Variants in FSTL4 observed in about 807,000 individuals in gnomAD.
The protein encoded by FSTL4 is follistatin like 4, also known as follistatin-related protein 4.
A neutral mutation model predicts 78.2 loss-of-function variants in FSTL4; 28 were observed. That is an observed-to-expected ratio of 0.36 (90% CI 0.27 to 0.49). The LOEUF is 0.49. Among genes scored for constraint, FSTL4 ranks in the 20% least tolerant of loss-of-function variants. FSTL4 has a pLI of 0.98. For missense variants in FSTL4, 922 were observed against 1,084.9 expected, an observed-to-expected ratio of 0.85 and a Z score of 2.11; for synonymous variants, 422 against 440.5, an observed-to-expected ratio of 0.96 and a Z score of 0.53.
intron 2 of FSTL4, among the ~76,000 whole-genome samples, chr5:133,603,597 A>G (rs1760914468): frequency 6.6e-6 from 1 of 152,230 alleles, no homozygotes; most frequent in Non-Finnish European, 1.5e-5. Flanking sequence ...CTTTGTAGAG[A>G]CTAACCAGGC....
intron 10 of FSTL4, among the ~76,000 whole-genome samples, 174 bp downstream of exon 10, chr5:133,224,976 G>A (rs372785559): frequency 2.6e-4 from 40 of 152,328 alleles, no homozygotes; most frequent in African/African-American, 9.1e-4. Flanking sequence ...GGGAAGGCCT[G>A]CTCACCTCTG....
the FSTL4 span, among the ~76,000 whole-genome samples, chr5:133,688,849 C>T: frequency 1.3e-5 from 2 of 152,174 alleles, no homozygotes; most frequent in African/African-American, 4.8e-5. Flanking sequence ...ACCACGGGGC[C>T]AGGGATGTCA....
the FSTL4 span, among the ~76,000 whole-genome samples, chr5:133,737,451 G>A: frequency 1.3e-5 from 2 of 151,982 alleles, no homozygotes; most frequent in African/African-American, 4.8e-5. Flanking sequence ...TCATTTTTAC[G>A]GCTGAATAGT....
At chr5:133,365,864 C>T (rs1331917236) in intron 4 of FSTL4, among the ~76,000 whole-genome samples, 1 of 152,230 alleles carries the variant, frequency 6.6e-6, no homozygotes, top group Non-Finnish European at 1.5e-5. Context: ...TATTAACATT[C>T]ACCATCTGCG....
chr5:133,562,758 A>G (rs570882619), intron 3 of FSTL4, among the ~76,000 whole-genome samples: 2 of 152,320 alleles, frequency 1.3e-5, no homozygotes, highest in Admixed American at 1.3e-4. Context: ...AATAGCTTAC[A>G]GATCGTCCTA....
upstream of FSTL4, among the ~76,000 whole-genome samples, chr5:133,613,656 C>T (rs1185177360): frequency 2.0e-5 from 3 of 152,218 alleles, no homozygotes; most frequent in East Asian, 1.9e-4. Flanking sequence ...AATGGGCCAG[C>T]GCGGTCTTGG....
the FSTL4 span, among the ~76,000 whole-genome samples, chr5:133,778,391 A>C: frequency 6.6e-6 from 1 of 152,248 alleles, no homozygotes; most frequent in Non-Finnish European, 1.5e-5. Context: ...CAAGTGTTTT[A>C]ATATTCCAGA....
chr5:133,312,849 C>G (rs777422110), intron 5 of FSTL4, 72 bp from the exon 6 acceptor site: 8 of 1,525,336 alleles, frequency 5.2e-6, no homozygotes, highest in Non-Finnish European at 7.2e-6. Context: ...GAAAATGACT[C>G]AGGCCAAGAG....
intron 1 of FSTL4, among the ~76,000 whole-genome samples, chr5:133,605,225 T>G (rs932889429): frequency 6.6e-6 from 1 of 152,134 alleles, no homozygotes; most frequent in Admixed American, 6.5e-5. Flanking sequence ...ACTTTAGGGG[T>G]TATTGATTTC....
chr5:133,815,215 G>A, the FSTL4 span, among the ~76,000 whole-genome samples: 1 of 152,226 alleles, frequency 6.6e-6, no homozygotes, highest in Non-Finnish European at 1.5e-5. Flanking sequence ...GTGAGCTCCT[G>A]TAGCTGGAAG....
intron 3 of FSTL4, among the ~76,000 whole-genome samples, chr5:133,535,451 A>G (rs548862233): frequency 2.0e-5 from 3 of 152,368 alleles, no homozygotes; most frequent in South Asian, 2.1e-4. Flanking sequence ...AGCCTGAGCC[A>G]TCTGTGTCTT....
At chr5:133,389,567 G>T (rs1755789691) in intron 4 of FSTL4, among the ~76,000 whole-genome samples, 1 of 152,098 alleles carries the variant, frequency 6.6e-6, no homozygotes. Context: ...TTTGTCTAGG[G>T]TATTTCTTCT....
chr5:133,719,685 A>G, the FSTL4 span, among the ~76,000 whole-genome samples: 1 of 151,728 alleles, frequency 6.6e-6, no homozygotes, highest in Non-Finnish European at 1.5e-5. Context: ...AAAAAAAAAA[A>G]AAAAAAAAAG....
intron 6 of FSTL4, among the ~76,000 whole-genome samples, chr5:133,279,786 C>A (rs543954420): frequency 6.6e-6 from 1 of 152,324 alleles, no homozygotes; most frequent in Admixed American, 6.5e-5. Flanking sequence ...CAGAATGTGA[C>A]CTGATTGGAA....
At chr5:133,618,437 C>T in the FSTL4 span, among the ~76,000 whole-genome samples, 3 of 152,144 alleles carry the variant, frequency 2.0e-5, no homozygotes, top group Admixed American at 2.0e-4. Context: ...TCTCTGGCTG[C>T]TGTATGAAGA....
At chr5:133,803,728 C>T in the FSTL4 span, among the ~76,000 whole-genome samples, 8 of 152,334 alleles carry the variant, frequency 5.3e-5, no homozygotes, top group Non-Finnish European at 1.0e-4. Flanking sequence ...TTGTGCCAGG[C>T]ACTATGCTAG....
chr5:133,633,556 C>A, the FSTL4 span, among the ~76,000 whole-genome samples: 34 of 152,064 alleles, frequency 2.2e-4, no homozygotes, highest in African/African-American at 7.0e-4. Context: ...GAAGCATTGT[C>A]ATGATGCCTA....
chr5:133,514,086 G>A (rs895548834), intron 3 of FSTL4, among the ~76,000 whole-genome samples: 15 of 151,936 alleles, frequency 9.9e-5, no homozygotes, highest in Admixed American at 2.6e-4. Flanking sequence ...GGCTGAGGCA[G>A]GAGAATGGCG....
At chr5:133,250,118 G>A (rs547211711) in intron 6 of FSTL4, among the ~76,000 whole-genome samples, 1 of 152,338 alleles carries the variant, frequency 6.6e-6, no homozygotes, top group South Asian at 2.1e-4. Flanking sequence ...CTTGGATTTG[G>A]ATTTCTGTCC....
Sources: gnomAD v4.1 joint callset for allele counts (sites outside exome capture counted in the v4.1 genomes callset) on GRCh38, gnomAD v4.1.1 for gene constraint, MANE v1.5 for transcripts, NCBI Gene and HGNC (gene_info 2026-07-23, HGNC 2026-07-21) for gene names.